The following NEMP2 variants were observed in gnomAD, a reference collection of about 807,000 sequenced individuals.
NEMP2 encodes the protein nuclear envelope integral membrane protein 2.
Under a neutral mutation model 54.2 loss-of-function variants are expected in NEMP2, and 53 were observed. The observed-to-expected ratio is 0.98, with a 90% CI of 0.78 to 1.23. The LOEUF is 1.23. Among genes scored for constraint, NEMP2 ranks in the 50% most tolerant of loss-of-function variants. NEMP2 has a pLI of 0.00. For missense variants in NEMP2, 455 were observed against 511.3 expected (o/e 0.89, Z 1.06); for synonymous variants, 197 against 190.3 (o/e 1.04, Z -0.29).
At chr2:190,441,840 C>T in the NEMP2 span, among the ~76,000 whole-genome samples, 1 of 152,092 alleles carries the variant, frequency 6.6e-6, no homozygotes, top group Non-Finnish European at 1.5e-5. Flanking sequence ...CTGCCCAAGG[C>T]CGTGGAGAGG....
chr2:190,490,182 T>C, the NEMP2 span, among the ~76,000 whole-genome samples: 1 of 151,976 alleles, frequency 6.6e-6, no homozygotes, highest in African/African-American at 2.4e-5. The surrounding 1 kb of genome is among the most constrained non-coding windows in gnomAD (Gnocchi z 4.5). Flanking sequence ...TTAAGTCAAA[T>C]ACATATAAGG....
At chr2:190,632,969 A>G in the NEMP2 span, among the ~76,000 whole-genome samples, 1 of 152,156 alleles carries the variant, frequency 6.6e-6, no homozygotes, top group African/African-American at 2.4e-5. This position sits in a 1 kb window ranked among gnomAD's most constrained non-coding sequence, Gnocchi z 4.8. Context: ...TTCCATACCC[A>G]TCCAACAATT....
the NEMP2 span, chr2:190,607,653 T>G: frequency 6.6e-6 from 1 of 152,204 alleles, no homozygotes; most frequent in African/African-American, 2.4e-5. This position sits in a 1 kb window ranked among gnomAD's most constrained non-coding sequence, Gnocchi z 5.2. Flanking sequence ...TAATTAATTT[T>G]TATTGTGGTA....
At chr2:190,524,198 C>G (rs1409683759) in intron 2 of NEMP2, among the ~76,000 whole-genome samples, 3 of 151,906 alleles carry the variant, frequency 2.0e-5, no homozygotes, top group Non-Finnish European at 4.4e-5. Context: ...GCTTGGGCAA[C>G]TGGAGTGAGT....
chr2:190,488,569 G>A, the NEMP2 span: 4 of 1,158,292 alleles, frequency 3.5e-6, no homozygotes, highest in Non-Finnish European at 4.6e-6. The surrounding 1 kb of genome is among the most constrained non-coding windows in gnomAD (Gnocchi z 6.4). Context: ...CTTAAAAATA[G>A]GTGCCTAGTT....
At chr2:190,486,854 A>G in the NEMP2 span, among the ~76,000 whole-genome samples, 1 of 152,232 alleles carries the variant, frequency 6.6e-6, no homozygotes, top group Non-Finnish European at 1.5e-5. Context: ...CTGTTGTGAC[A>G]ATATCTGGTT....
At chr2:190,541,220 G>A in the NEMP2 span, among the ~76,000 whole-genome samples, 1 of 151,374 alleles carries the variant, frequency 6.6e-6, no homozygotes, top group African/African-American at 2.4e-5. This position sits in a 1 kb window ranked among gnomAD's most constrained non-coding sequence, Gnocchi z 5.2. Context: ...ATTTAGTTCT[G>A]CTCTGATATT....
At chr2:190,482,956 A>G in the NEMP2 span, among the ~76,000 whole-genome samples, 2 of 126,162 alleles carry the variant, frequency 1.6e-5, no homozygotes, top group Admixed American at 1.0e-4. Context: ...CAGTGGCGCA[A>G]TCTCGGCTCA....
the NEMP2 span, among the ~76,000 whole-genome samples, chr2:190,630,151 A>G: frequency 2.0e-5 from 3 of 152,236 alleles, no homozygotes; most frequent in African/African-American, 2.4e-5. This position sits in a 1 kb window ranked among gnomAD's most constrained non-coding sequence, Gnocchi z 5.5. Context: ...TTTAGCAGAA[A>G]AATGCCCAGG....
chr2:190,585,580 G>A, the NEMP2 span, among the ~76,000 whole-genome samples: 1 of 152,168 alleles, frequency 6.6e-6, no homozygotes, highest in Non-Finnish European at 1.5e-5. This position sits in a 1 kb window ranked among gnomAD's most constrained non-coding sequence, Gnocchi z 5.3. Flanking sequence ...CCCTTGGCTA[G>A]GTGCCCTTGC....
At position 190,506,293 on chromosome 2, in the gene NEMP2, G is replaced by A. The variant is rs1160903796; in HGVS notation, c.*2896C>T. 6.6e-6 allele frequency: 1 copy of A among 152,166 alleles called. No homozygotes were observed. The highest frequency in any genetic ancestry group is 1.5e-5 in the Non-Finnish European group (1 of 68,034). The allele number at this position is 152,166 out of a possible 1,614,324, so 9.4% of individuals were successfully genotyped here. Reference sequence around the variant, plus strand: ...AAAGTACCTCTCTGTCTTCCTGCAGGTGTCTTCAAACTTCCACATCCATTA... The same window carrying A: ...AAAGTACCTCTCTGTCTTCCTGCAGATGTCTTCAAACTTCCACATCCATTA... On this transcript the variant is annotated 3_prime_UTR_variant, in exon 9 of 9. Transcript: ENST00000409150. The surrounding 1 kb of genome is among the most constrained non-coding windows in gnomAD (Gnocchi z 6.3).
At chr2:190,594,793 G>A in the NEMP2 span, among the ~76,000 whole-genome samples, 1 of 152,178 alleles carries the variant, frequency 6.6e-6, no homozygotes, top group African/African-American at 2.4e-5. The surrounding 1 kb of genome is among the most constrained non-coding windows in gnomAD (Gnocchi z 5.6). Context: ...GAGGGACAAG[G>A]AGTACCATCT....
the NEMP2 span, chr2:190,436,383 C>T: frequency 1.9e-6 from 3 of 1,614,048 alleles, no homozygotes; most frequent in African/African-American, 2.7e-5. The surrounding 1 kb of genome is among the most constrained non-coding windows in gnomAD (Gnocchi z 5.3). Context: ...TCTGCAGTGC[C>T]CCCTTTTGGG....
At chr2:190,438,387 G>A in the NEMP2 span, among the ~76,000 whole-genome samples, 39 of 152,160 alleles carry the variant, frequency 2.6e-4, no homozygotes, top group Non-Finnish European at 4.3e-4. This position sits in a 1 kb window ranked among gnomAD's most constrained non-coding sequence, Gnocchi z 5.2. Context: ...ATGGTGGCAC[G>A]CACCCGTAGT....
Position 190,513,588 on chromosome 2 carries a change from G to A in NEMP2, c.953+865C>T, listed in dbSNP as rs1347106367. On this transcript the variant is annotated intron_variant, in intron 7 of 8. Transcript: ENST00000409150. This position sits in a 1 kb window ranked among gnomAD's most constrained non-coding sequence, Gnocchi z 5.3. Reference sequence around the variant, plus strand: ...GGACTGGACTAGATTGCTTAGCATGGCTGCCATGCATCTGGCCCATGCCCA... The same window carrying A: ...GGACTGGACTAGATTGCTTAGCATGACTGCCATGCATCTGGCCCATGCCCA... Among the ~76,000 whole-genome samples, 1 of 152,204 alleles carries A rather than the reference G, an allele frequency of 6.6e-6. No individual in the cohort carries two copies. Among genetic ancestry groups the A allele is most frequent in the African/African-American group, 2.4e-5 (1 of 41,458 alleles).
chr2:190,588,081 T>G, the NEMP2 span, among the ~76,000 whole-genome samples: 545 of 152,226 alleles, frequency 3.6e-3, 7 homozygotes, highest in African/African-American at 0.013. This position sits in a 1 kb window ranked among gnomAD's most constrained non-coding sequence, Gnocchi z 5.0. Context: ...ATGGCAAAAG[T>G]TGGGCTTTTT....
the NEMP2 span, among the ~76,000 whole-genome samples, chr2:190,448,469 T>G: frequency 2.0e-5 from 3 of 152,162 alleles, no homozygotes. Flanking sequence ...AGGTGAAATG[T>G]TAATGCAGGG....
chr2:190,436,418 A>G, the NEMP2 span: 1 of 1,614,240 alleles, frequency 6.2e-7, no homozygotes, highest in Non-Finnish European at 8.5e-7. This position sits in a 1 kb window ranked among gnomAD's most constrained non-coding sequence, Gnocchi z 5.3. Context: ...CGCTTTAAAA[A>G]AGGCAAAATT....
chr2:190,510,467 G>T lies in NEMP2; in HGVS notation c.1024C>A (p.Gln342Lys), dbSNP rs920892910. The stretch of plus-strand genomic sequence containing the variant: ...GCACTGTTCGTTTCAGCATCAGCTT[G>T]CTCCCTGTACTCGTCTTCCGTAAGA... ...KYLTEDEYRE[Q>K]ADAETNSALE... Residue 342 changes from glutamine (Q) to lysine (K), a missense_variant, in exon 8 of 9, where the codon CAA (glutamine) becomes AAA (lysine). By Grantham distance (53) the Gln-to-Lys change is moderately conservative. This residue lies in a region of NEMP2 where 294 missense variants were observed against 333.6 expected (regional missense o/e 0.88). Transcript: ENST00000409150. This position sits in a 1 kb window ranked among gnomAD's most constrained non-coding sequence, Gnocchi z 5.7. The T allele has an allele frequency of 2.7e-5, 42 of 1,551,726 alleles. No individual in the cohort carries two copies. Among genetic ancestry groups the T allele is most frequent in the Non-Finnish European group, 3.5e-5 (40 of 1,147,032 alleles).
Sources: allele counts gnomAD v4.1 joint callset (sites outside exome capture counted in the v4.1 genomes callset), GRCh38; gene constraint gnomAD v4.1.1; regional missense constraint gnomAD v4.1.1; non-coding constraint Gnocchi (gnomAD v3.1); transcripts MANE v1.5; gene names NCBI Gene and HGNC (gene_info 2026-07-23, HGNC 2026-07-21).